Variants in ACVR1 observed in about 807,000 individuals in gnomAD.
ACVR1 encodes the protein activin receptor type-1.
A neutral mutation model predicts 57.1 loss-of-function variants in ACVR1; 38 were observed. That is an observed-to-expected ratio of 0.67 (90% CI 0.51 to 0.87). ACVR1 has a LOEUF of 0.87. Ranked by LOEUF, ACVR1 falls within the 40% of genes least tolerant of loss-of-function variation. The pLI is 0.00. For synonymous variants in ACVR1, 212 were observed against 228.1 expected (o/e 0.93, Z 0.63); for missense variants, 463 against 638.2 (o/e 0.73, Z 2.96).
At chr2:157,790,184 G>A (rs6719906) in intron 3 of ACVR1, 116,340 of 152,246 alleles carry the variant, frequency 0.76, 44,794 homozygotes, top group East Asian at 0.93. Flanking sequence ...CCAGGGGCTG[G>A]TGTACAAGGG....
intron 6 of ACVR1, among the ~76,000 whole-genome samples, chr2:157,773,778 A>G (rs1243539183): frequency 1.3e-5 from 2 of 152,226 alleles, no homozygotes; most frequent in Non-Finnish European, 2.9e-5. Context: ...AGAGTATCCA[A>G]TACCTATGGT....
chr2:157,855,451 C>A (rs1689499365), intron 1 of ACVR1, among the ~76,000 whole-genome samples: 1 of 151,550 alleles, frequency 6.6e-6, no homozygotes, highest in Non-Finnish European at 1.5e-5. Context: ...GAGCCAAGAT[C>A]GCGCCACTGT....
intron 3 of ACVR1, 61 bp from the exon 4 acceptor site, chr2:157,780,661 AC>A: frequency 6.3e-7 from 1 of 1,582,526 alleles, no homozygotes; most frequent in Non-Finnish European, 8.6e-7. Context: ...TATGAGTTTC[AC>A]CTTCATTGAG....
At chr2:157,774,775 A>AG (rs1370046778) in intron 5 of ACVR1, among the ~76,000 whole-genome samples, 3 of 152,266 alleles carry the variant, frequency 2.0e-5, no homozygotes, top group Non-Finnish European at 4.4e-5. Flanking sequence ...TCCAAATAAA[A>AG]TATATAATGA....
intron 1 of ACVR1, among the ~76,000 whole-genome samples, chr2:157,841,748 G>A (rs1404278863): frequency 6.6e-6 from 1 of 152,060 alleles, no homozygotes; most frequent in Non-Finnish European, 1.5e-5. Context: ...AATTGGCAGG[G>A]CACGGTGGCT....
intron 9 of ACVR1, among the ~76,000 whole-genome samples, chr2:157,755,238 A>G (rs1382095302): frequency 5.9e-5 from 9 of 152,100 alleles, no homozygotes; most frequent in African/African-American, 1.9e-4. Context: ...TCTATTCAAC[A>G]TAATACTGGA....
chr2:157,769,522 A>C (rs1685996857), intron 7 of ACVR1, among the ~76,000 whole-genome samples: 1 of 152,222 alleles, frequency 6.6e-6, no homozygotes, highest in Admixed American at 6.5e-5. Flanking sequence ...GCTTTGGACA[A>C]CTGTCAAATC....
At chr2:157,863,471 CG>C (rs1364330837) in intron 1 of ACVR1, among the ~76,000 whole-genome samples, 1 of 146,660 alleles carries the variant, frequency 6.8e-6, no homozygotes, top group East Asian at 2.2e-4. Flanking sequence ...CCGAGGCCAG[CG>C]GATCACCTGT....
chr2:157,845,605 T>C (rs1353978112), intron 1 of ACVR1, among the ~76,000 whole-genome samples: 2 of 152,194 alleles, frequency 1.3e-5, no homozygotes, highest in Non-Finnish European at 2.9e-5. Flanking sequence ...TAATTTCTTA[T>C]GGCAGCCCTA....
Position 157,778,312 on chromosome 2 carries a change from T to C in ACVR1, c.362A>G (p.His121Arg). 2 of 1,614,046 alleles carry C rather than the reference T, an allele frequency of 1.2e-6. No homozygotes were observed. Among genetic ancestry groups the C allele is most frequent in the South Asian group, 2.2e-5 (2 of 91,058 alleles). The change falls in exon 5 of 11, where the codon CAC becomes CGC. Residue 121 changes from histidine (H) to arginine (R), a missense_variant. Transcript: ENST00000434821. Reference protein sequence around the residue: ...GKSFPGTQNFHLEVGLIILSV... With the variant: ...GKSFPGTQNFRLEVGLIILSV... ...GAGAATAATGAGGCCAACCTCCAAG[T>C]GGAAATTCTGTGTTCCAGGGAAGGA...
In ACVR1 at chr2:157,737,574, G is replaced by A; in HGVS notation, c.1487C>T (p.Thr496Ile). Residue 496 changes from threonine (T) to isoleucine (I), a missense_variant, in exon 11 of 11, where the codon ACC becomes ATC. By Grantham distance (89) the Thr-to-Ile change is moderately conservative. Coordinates refer to ENST00000434821, the MANE Select transcript of ACVR1 (RefSeq NM_001111067.4). ...TTTGTCGAGGGAATTATCAATTTTG[G>A]TCAAAGTCTTTTTGATACGCAGTGC... ...LTALRIKKTL[T>I]KIDNSLDKLK... The A allele has an allele frequency of 6.2e-7, 1 of 1,614,082 alleles. No individual in the cohort carries two copies. Among genetic ancestry groups the A allele is most frequent in the Non-Finnish European group, 8.5e-7 (1 of 1,179,976 alleles).
At chr2:157,814,613 AG>A (rs1687866317) in intron 2 of ACVR1, among the ~76,000 whole-genome samples, 1 of 152,238 alleles carries the variant, frequency 6.6e-6, no homozygotes, top group African/African-American at 2.4e-5. Flanking sequence ...CCTTTGACCC[AG>A]CAATTCTACT....
intron 8 of ACVR1, among the ~76,000 whole-genome samples, chr2:157,764,749 T>C (rs1685800058): frequency 1.3e-5 from 2 of 152,060 alleles, no homozygotes; most frequent in African/African-American, 4.8e-5. Context: ...CTAAGAGCCA[T>C]GGAATAAGCC....
chr2:157,843,816 T>C (rs1180721463), intron 1 of ACVR1, among the ~76,000 whole-genome samples: 1 of 152,158 alleles, frequency 6.6e-6, no homozygotes, highest in East Asian at 1.9e-4. Flanking sequence ...AAGATAACCA[T>C]TGAATATGAG....
chr2:157,794,813 A>G (rs1279496543), intron 3 of ACVR1, among the ~76,000 whole-genome samples: 1 of 152,096 alleles, frequency 6.6e-6, no homozygotes, highest in Non-Finnish European at 1.5e-5. Context: ...TGGTGAAAAA[A>G]TCTTTTATTG....
At chr2:157,818,920 T>C (rs943777421) in intron 1 of ACVR1, among the ~76,000 whole-genome samples, 8 of 150,226 alleles carry the variant, frequency 5.3e-5, no homozygotes, top group African/African-American at 9.8e-5. Context: ...CTACTAAAAA[T>C]ACAAAAAATT....
chr2:157,767,326 G>C (rs1447151506), intron 7 of ACVR1, among the ~76,000 whole-genome samples: 2 of 152,132 alleles, frequency 1.3e-5, no homozygotes, highest in South Asian at 4.1e-4. Context: ...GAGACATCGC[G>C]ATCAGCCCGG....
intron 1 of ACVR1, among the ~76,000 whole-genome samples, chr2:157,869,505 T>C (rs1248434431): frequency 6.6e-6 from 1 of 152,250 alleles, no homozygotes; most frequent in Non-Finnish European, 1.5e-5. Flanking sequence ...AAAAATTGAA[T>C]ATTAATTAAA....
At chr2:157,762,557 G>T (rs1399040486) in intron 8 of ACVR1, among the ~76,000 whole-genome samples, 1 of 152,152 alleles carries the variant, frequency 6.6e-6, no homozygotes, top group Admixed American at 6.5e-5. Context: ...AGAACATGGA[G>T]ATATTCTGAA....
Sources: gnomAD v4.1 joint callset for allele counts (sites outside exome capture counted in the v4.1 genomes callset) on GRCh38, gnomAD v4.1.1 for gene constraint, MANE v1.5 for transcripts, NCBI Gene and HGNC (gene_info 2026-07-23, HGNC 2026-07-21) for gene names.